ERBB4: variants seen among roughly 807,000 people sequenced by gnomAD.
The protein encoded by ERBB4 is erb-b2 receptor tyrosine kinase 4.
In ERBB4, 42 loss-of-function variants were observed where a neutral mutation model predicts 158.0. That is an observed-to-expected ratio of 0.27 (90% CI 0.21 to 0.34). The LOEUF (loss-of-function observed/expected upper bound fraction) is 0.34. ERBB4 is among the 10% of genes least tolerant of loss of function. The pLI is 1.00. For synonymous variants in ERBB4, 583 were observed against 558.7 expected (o/e 1.04, Z -0.61); for missense variants, 1,333 against 1,624.1 (o/e 0.82, Z 3.08).
At chr2:212,103,787 ATAAT>A (rs1390977462) in intron 2 of ERBB4, among the ~76,000 whole-genome samples, 3 of 152,060 alleles carry the variant, frequency 2.0e-5, no homozygotes, top group African/African-American at 7.2e-5. Context: ...TTTGAAAATA[ATAAT>A]TAAACATGAT....
chr2:212,350,810 TA>T (rs35884250), intron 1 of ERBB4, among the ~76,000 whole-genome samples: 16 of 151,712 alleles, frequency 1.1e-4, no homozygotes, highest in African/African-American at 3.1e-4. Context: ...TGTAAAATAA[TA>T]AAAAAAATGC....
chr2:211,834,252 C>G (rs951773292), intron 3 of ERBB4, among the ~76,000 whole-genome samples: 14 of 151,902 alleles, frequency 9.2e-5, no homozygotes, highest in Admixed American at 2.6e-4. Context: ...GTAAATTCAC[C>G]CTGAAGCAAA....
At chr2:211,944,249 T>A (rs963744942) in intron 3 of ERBB4, among the ~76,000 whole-genome samples, 20 of 128,822 alleles carry the variant, frequency 1.6e-4, no homozygotes, top group Admixed American at 2.5e-4. Flanking sequence ...ACTTAAAGTC[T>A]TCATCTCAAA....
intron 2 of ERBB4, among the ~76,000 whole-genome samples, chr2:212,019,528 C>T (rs948931364): frequency 6.6e-6 from 1 of 151,662 alleles, no homozygotes; most frequent in Non-Finnish European, 1.5e-5. Flanking sequence ...TTTGGGAGGC[C>T]AAGATGGGCA....
At chr2:212,252,425 G>T (rs1437526100) in intron 1 of ERBB4, among the ~76,000 whole-genome samples, 1 of 151,998 alleles carries the variant, frequency 6.6e-6, no homozygotes, top group Non-Finnish European at 1.5e-5. Flanking sequence ...GCTGCTGATA[G>T]ATCAACGAAG....
chr2:211,500,608 G>A (rs913790918), intron 20 of ERBB4, among the ~76,000 whole-genome samples: 1 of 151,978 alleles, frequency 6.6e-6, no homozygotes, highest in African/African-American at 2.4e-5. Context: ...TGCTTTTTAG[G>A]TCACTTTTAC....
chr2:211,991,605 G>A lies in ERBB4; in HGVS notation c.235-43989C>T, dbSNP rs569940150. Among the ~76,000 whole-genome samples the A allele has an allele frequency of 3.3e-5, 5 of 152,202 alleles. No homozygotes were observed. The South Asian group carries it at 1.0e-3, about 32-fold the overall frequency. On this transcript the variant is annotated intron_variant, in intron 2 of 27. Transcript: ENST00000342788. ...CTTGATATTTTTTTCCAAGATAATA[G>A]ACTTAGAAGGTAAATCCAGGGGAGA... is the stretch of plus-strand genomic sequence containing the variant.
chr2:211,921,350 G>A (rs1226661963), intron 3 of ERBB4, among the ~76,000 whole-genome samples: 1 of 151,948 alleles, frequency 6.6e-6, no homozygotes, highest in African/African-American at 2.4e-5. Context: ...AGATGTACCA[G>A]CTATCTGAAG....
chr2:211,673,391 A>G (rs1410209494), intron 13 of ERBB4, 134 bp from the exon 14 acceptor site: 1 of 709,998 alleles, frequency 1.4e-6, no homozygotes, highest in Non-Finnish European at 2.6e-6. Flanking sequence ...GGAGCATCAG[A>G]AACATTAAGT....
chr2:212,059,215 C>T (rs1575580591), intron 2 of ERBB4, among the ~76,000 whole-genome samples: 1 of 152,064 alleles, frequency 6.6e-6, no homozygotes, highest in East Asian at 1.9e-4. Flanking sequence ...AATAAAACAC[C>T]TAGGAATCCA....
rs116657860 is a variant in ERBB4, at chr2:212,217,840, C to T, written c.83-92937G>A. 5.9e-3 allele frequency among the ~76,000 whole-genome samples: 896 copies of T among 150,908 alleles called. 10 individuals are homozygous for T. The highest frequency in any genetic ancestry group is 0.021 in the African/African-American group (860 of 41,298). ...AGATTACAAGGATTTTTGTGATGAC[C>T]GAACAAGATAATATATGTAAAGCCC... On this transcript the variant is annotated intron_variant, in intron 1 of 27. Transcript: ENST00000342788.
In ERBB4 at chr2:211,564,700, T is replaced by C. The variant is rs150931415; in HGVS notation, c.2302-2612A>G. ...AAAAAGGGAGGGGGTGTTAGAAGAG[T>C]ACATAAAATCAAGGAAACAAACATC... On this transcript the variant is annotated intron_variant, in intron 19 of 27. Transcript: ENST00000342788. 9.0e-3 allele frequency among the ~76,000 whole-genome samples: 1,371 copies of C among 151,822 alleles called. 13 individuals carry two copies. Among genetic ancestry groups the C allele is most frequent in the Non-Finnish European group, 0.013 (902 of 67,942 alleles).
chr2:212,478,095 C>T (rs933244428), intron 1 of ERBB4, among the ~76,000 whole-genome samples: 1 of 152,080 alleles, frequency 6.6e-6, no homozygotes, highest in Admixed American at 6.6e-5. Flanking sequence ...GAGTTCTGTT[C>T]AACTCATTCA....
At chr2:211,740,247 G>T (rs1415118194) in intron 5 of ERBB4, among the ~76,000 whole-genome samples, 1 of 152,016 alleles carries the variant, frequency 6.6e-6, no homozygotes, top group Non-Finnish European at 1.5e-5. Context: ...AAAAATAACT[G>T]TCTTCAGTGA....
intron 5 of ERBB4, among the ~76,000 whole-genome samples, chr2:211,731,816 A>C (rs1417221251): frequency 6.6e-6 from 1 of 152,188 alleles, no homozygotes; most frequent in African/African-American, 2.4e-5. Flanking sequence ...AGCATGTGTA[A>C]AAAATCAGGT....
At chr2:211,977,733 T>C (rs2081654575) in intron 2 of ERBB4, among the ~76,000 whole-genome samples, 1 of 150,034 alleles carries the variant, frequency 6.7e-6, no homozygotes. Flanking sequence ...ATAGCTGTAA[T>C]CCCAGCTACC....
chr2:211,431,586 A>T (rs1198042640), intron 20 of ERBB4, among the ~76,000 whole-genome samples: 1 of 152,168 alleles, frequency 6.6e-6, no homozygotes, highest in African/African-American at 2.4e-5. Flanking sequence ...ACCATTATAG[A>T]TTCTATGGAG....
chr2:211,796,770 T>A (rs975105121), intron 3 of ERBB4, among the ~76,000 whole-genome samples: 13 of 151,946 alleles, frequency 8.6e-5, no homozygotes, highest in African/African-American at 3.1e-4. Context: ...AAGAAAGGTC[T>A]TACTATGTGT....
At chr2:212,415,222 T>TA (rs1166463240) in intron 1 of ERBB4, among the ~76,000 whole-genome samples, 1 of 152,118 alleles carries the variant, frequency 6.6e-6, no homozygotes, top group Non-Finnish European at 1.5e-5. Flanking sequence ...ATTTGATTTA[T>TA]AAAAAAGGCC....
Sources: allele counts gnomAD v4.1 joint callset (sites outside exome capture counted in the v4.1 genomes callset), GRCh38; gene constraint gnomAD v4.1.1; transcripts MANE v1.5; gene names NCBI Gene and HGNC (gene_info 2026-07-23, HGNC 2026-07-21).